IL1RAPL2: variants seen among roughly 807,000 people sequenced by gnomAD.
The protein encoded by IL1RAPL2 is X-linked interleukin-1 receptor accessory protein-like 2.
Under a neutral mutation model 44.1 loss-of-function variants are expected in IL1RAPL2, and 3 were observed. The observed-to-expected ratio is 0.07, with a 90% CI of 0.03 to 0.18. IL1RAPL2 has a LOEUF of 0.18. IL1RAPL2 is among the 10% of genes least tolerant of loss of function. The probability of loss-of-function intolerance (pLI) is 1.00; values close to 1 mark genes in which losing one functional copy is unlikely to be tolerated. For synonymous variants in IL1RAPL2, 181 were observed against 178.8 expected (o/e 1.01, Z -0.10); for missense variants, 391 against 496.4 (o/e 0.79, Z 2.02).
intron 2 of IL1RAPL2, among the ~76,000 whole-genome samples, chrX:104,676,720 G>A (rs867660883): frequency 3.6e-5 from 4 of 111,518 alleles, no homozygotes; most frequent in African/African-American, 9.8e-5. Flanking sequence ...CATTCTCCCC[G>A]TCACTTTCAG....
In IL1RAPL2 at chrX:104,691,424, G is replaced by A. The variant is rs181925343; in HGVS notation, c.82+32429G>A. 1.5e-3 allele frequency among the ~76,000 whole-genome samples: 163 copies of A among 112,112 alleles called. 2 individuals are homozygous for A. Among genetic ancestry groups the A allele is most frequent in the African/African-American group, 4.9e-3 (151 of 30,866 alleles). On this transcript the variant is annotated intron_variant, in intron 2 of 10. Transcript: ENST00000372582. ...CATTTATACCTCAGGACATATGGCT[G>A]TTTTGGTTAAACTCCAAGGGCCTTG...
intron 6 of IL1RAPL2, among the ~76,000 whole-genome samples, chrX:105,521,356 C>T (rs2036557258): frequency 1.8e-5 from 2 of 110,787 alleles, no homozygotes; most frequent in African/African-American, 3.3e-5. Context: ...AAAACAACAA[C>T]AGTGACAATG....
intron 7 of IL1RAPL2, among the ~76,000 whole-genome samples, chrX:105,733,301 T>C (rs2147568685): frequency 9.0e-6 from 1 of 111,478 alleles, no homozygotes; most frequent in African/African-American, 3.2e-5. Flanking sequence ...TCTTTCAAGA[T>C]TTTGTCTTTA....
At position 105,600,915 on chromosome X, in the gene IL1RAPL2, T is replaced by C. The variant is rs5962555; in HGVS notation, c.773-116452T>C. On this transcript the variant is annotated intron_variant, in intron 6 of 10. Coordinates refer to ENST00000372582, the MANE Select transcript of IL1RAPL2 (RefSeq NM_017416.2). The stretch of plus-strand genomic sequence containing the variant: ...TTTTACCACTCTCATTAACATATGA[T>C]ATCATCAAACTAATTCATTATTTGC... Among the ~76,000 whole-genome samples, 345 of 111,438 alleles carry C rather than the reference T, an allele frequency of 3.1e-3. 3 individuals carry two copies. Among genetic ancestry groups the C allele is most frequent in the African/African-American group, 0.011 (334 of 30,778 alleles).
chrX:105,288,702 A>G (rs962493481), intron 5 of IL1RAPL2, among the ~76,000 whole-genome samples: 3 of 110,713 alleles, frequency 2.7e-5, no homozygotes, highest in African/African-American at 9.9e-5. Flanking sequence ...AGCCCTAAAA[A>G]GTTGCAGTAA....
At chrX:104,585,316 T>C (rs1348584716) in intron 1 of IL1RAPL2, among the ~76,000 whole-genome samples, 1 of 19,536 alleles carries the variant, frequency 5.1e-5, no homozygotes, top group African/African-American at 3.9e-4. Flanking sequence ...TTATATAATA[T>C]ATATTATATA....
chrX:105,065,118 T>C (rs958565752), intron 2 of IL1RAPL2, among the ~76,000 whole-genome samples: 2 of 112,249 alleles, frequency 1.8e-5, no homozygotes, highest in Non-Finnish European at 3.8e-5. Context: ...TTGCATTTGA[T>C]TGAAAAATAA....
chrX:104,921,444 G>C (rs1022139559), intron 2 of IL1RAPL2, among the ~76,000 whole-genome samples: 1 of 112,346 alleles, frequency 8.9e-6, no homozygotes, highest in East Asian at 2.8e-4. Flanking sequence ...ATTCCCACAG[G>C]GGAGGGGCCA....
At chrX:105,187,869 TATCACTACAAA>T (rs1245260346) in intron 2 of IL1RAPL2, among the ~76,000 whole-genome samples, 1 of 111,895 alleles carries the variant, frequency 8.9e-6, no homozygotes, top group African/African-American at 3.2e-5. Flanking sequence ...TCTTAAATGT[TATCACTACAAA>T]AAAATAATTC....
chrX:105,109,603 G>A (rs998203375), intron 2 of IL1RAPL2, among the ~76,000 whole-genome samples: 6 of 111,781 alleles, frequency 5.4e-5, no homozygotes, highest in African/African-American at 1.6e-4. Flanking sequence ...CTGAGAAGAG[G>A]GGAAAATGAG....
intron 2 of IL1RAPL2, among the ~76,000 whole-genome samples, chrX:105,040,214 C>T (rs967272104): frequency 4.5e-5 from 5 of 111,641 alleles, no homozygotes; most frequent in African/African-American, 1.6e-4. Context: ...ACCAGCCTTG[C>T]ATCCCAGGGA....
intron 2 of IL1RAPL2, among the ~76,000 whole-genome samples, chrX:104,807,451 G>A (rs949016964): frequency 1.5e-4 from 17 of 111,909 alleles, no homozygotes; most frequent in African/African-American, 5.2e-4. Context: ...TTTGGAAGTA[G>A]TAAGACCTTG....
intron 5 of IL1RAPL2, among the ~76,000 whole-genome samples, chrX:105,295,058 C>T (rs1208091940): frequency 1.8e-5 from 2 of 111,377 alleles, no homozygotes; most frequent in Non-Finnish European, 3.8e-5. Context: ...AAGGGATAAG[C>T]AGTATATGTT....
intron 7 of IL1RAPL2, among the ~76,000 whole-genome samples, chrX:105,726,316 G>A (rs891700295): frequency 8.9e-6 from 1 of 111,875 alleles, no homozygotes. Context: ...TAGAGACTGA[G>A]GAAGAGCTGC....
chrX:105,252,617 A>G (rs2034279737), intron 4 of IL1RAPL2, among the ~76,000 whole-genome samples: 1 of 111,826 alleles, frequency 8.9e-6, no homozygotes, highest in Non-Finnish European at 1.9e-5. Flanking sequence ...TGTCTTTCCT[A>G]CAGTATATCT....
intron 2 of IL1RAPL2, among the ~76,000 whole-genome samples, chrX:105,006,063 G>T (rs181668308): frequency 1.8e-5 from 2 of 110,738 alleles, no homozygotes; most frequent in Non-Finnish European, 3.8e-5. Context: ...GTAGGTTTTT[G>T]CTGTGTTTTT....
chrX:104,971,754 A>G (rs2030241513), intron 2 of IL1RAPL2, among the ~76,000 whole-genome samples: 1 of 111,283 alleles, frequency 9.0e-6, no homozygotes, highest in Non-Finnish European at 1.9e-5. Context: ...TAGTGCCACT[A>G]GTCCTATTGT....
At chrX:105,185,030 G>A (rs1452102914) in intron 2 of IL1RAPL2, among the ~76,000 whole-genome samples, 2 of 111,725 alleles carry the variant, frequency 1.8e-5, no homozygotes, top group African/African-American at 3.3e-5. Flanking sequence ...TCTCTTAGAC[G>A]TCAGTTGACT....
At chrX:105,369,677 T>G (rs1476746760) in intron 5 of IL1RAPL2, among the ~76,000 whole-genome samples, 3 of 111,679 alleles carry the variant, frequency 2.7e-5, no homozygotes, top group Non-Finnish European at 5.6e-5. Flanking sequence ...CTTTTTGTTT[T>G]CTGTAGTTTA....
Sources: gnomAD v4.1 joint callset for allele counts (sites outside exome capture counted in the v4.1 genomes callset) on GRCh38, gnomAD v4.1.1 for gene constraint, MANE v1.5 for transcripts, NCBI Gene and HGNC (gene_info 2026-07-23, HGNC 2026-07-21) for gene names.